ESRRB: variants seen among roughly 807,000 people sequenced by gnomAD.
ESRRB encodes steroid hormone receptor ERR2.
ESRRB carries 16 observed loss-of-function variants against 46.0 expected under a neutral mutation model. That is an observed-to-expected ratio of 0.35 (90% CI 0.24 to 0.53). The LOEUF (loss-of-function observed/expected upper bound fraction) is 0.53, where lower values mean the gene tolerates loss of function less well. Among genes scored for constraint, ESRRB ranks in the 20% least tolerant of loss-of-function variants. The probability of loss-of-function intolerance (pLI) is 0.93; values close to 1 mark genes in which losing one functional copy is unlikely to be tolerated. For missense variants in ESRRB, 488 were observed against 607.4 expected, an observed-to-expected ratio of 0.80 and a Z score of 2.07; for synonymous variants, 246 against 259.6, an observed-to-expected ratio of 0.95 and a Z score of 0.50.
chr14:76,427,852 T>C (rs1887269591), intron 1 of ESRRB, among the ~76,000 whole-genome samples: 2 of 152,056 alleles, frequency 1.3e-5, no homozygotes, highest in African/African-American at 2.4e-5. Flanking sequence ...CATCTAGAGG[T>C]TAAATAACCC....
chr14:76,458,987 GGT>G (rs1888739366), intron 2 of ESRRB, among the ~76,000 whole-genome samples: 1 of 151,994 alleles, frequency 6.6e-6, no homozygotes, highest in African/African-American at 2.4e-5. Context: ...TGGGACTACA[GGT>G]GTGCACCACC....
At chr14:76,387,080 CT>C (rs957258301) in intron 1 of ESRRB, among the ~76,000 whole-genome samples, 1 of 152,152 alleles carries the variant, frequency 6.6e-6, no homozygotes, top group African/African-American at 2.4e-5. Context: ...GAGGCTGACC[CT>C]TGTGAGGGTC....
rs373526001 is a variant in ESRRB at position 76,498,902 on chromosome 14, G to A, written c.*444G>A. ...GATACCACCTGGAGGTTTTCCTTCCGCAGAGGGCAGGTACGCAAGGGACAA... is the reference window on the plus strand; with the variant it reads ...GATACCACCTGGAGGTTTTCCTTCCACAGAGGGCAGGTACGCAAGGGACAA... On this transcript the variant is annotated 3_prime_UTR_variant, in exon 7 of 7. Coordinates refer to ENST00000644823, the MANE Select transcript of ESRRB (RefSeq NM_001379180.1). 17 of 531,830 alleles carry A rather than the reference G, an allele frequency of 3.2e-5. No individual in the cohort carries two copies. In the East Asian group the frequency reaches 3.3e-4, roughly 10 times the overall value. 32.9% of individuals were successfully genotyped at this position (531,830 alleles called of 1,614,324 possible). A position where few individuals can be genotyped will look rare whatever the true frequency, so the allele number is the denominator to read the frequency against.
At chr14:76,415,639 G>A (rs182134430) in intron 1 of ESRRB, among the ~76,000 whole-genome samples, 15 of 152,274 alleles carry the variant, frequency 9.9e-5, no homozygotes, top group Admixed American at 7.2e-4. Context: ...CAGACTGGGC[G>A]AAAGAGTGAG....
intron 1 of ESRRB, among the ~76,000 whole-genome samples, chr14:76,324,350 C>T (rs923052698): frequency 6.6e-6 from 1 of 152,154 alleles, no homozygotes; most frequent in African/African-American, 2.4e-5. Flanking sequence ...CCCATGAGGG[C>T]TCCTGTGGGT....
chr14:76,386,047 A>G (rs1162035315), intron 1 of ESRRB, among the ~76,000 whole-genome samples: 1 of 152,308 alleles, frequency 6.6e-6, no homozygotes, highest in African/African-American at 2.4e-5. Flanking sequence ...CTTTGACATA[A>G]TCTCACAATT....
chr14:76,479,432 T>C (rs142504935), intron 3 of ESRRB, among the ~76,000 whole-genome samples: 261 of 152,318 alleles, frequency 1.7e-3, no homozygotes, highest in African/African-American at 6.0e-3. Flanking sequence ...CCTTGGAAAC[T>C]GCTCGCATGC....
chr14:76,314,873 T>C (rs1297403339), intron 1 of ESRRB, among the ~76,000 whole-genome samples: 1 of 151,964 alleles, frequency 6.6e-6, no homozygotes, highest in Non-Finnish European at 1.5e-5. Flanking sequence ...TGGAGAGAGA[T>C]TTCCTTCTTC....
chr14:76,310,830 C>G (rs1883720375), exon 1 of ESRRB: 3 of 454,988 alleles, frequency 6.6e-6, no homozygotes, highest in South Asian at 1.6e-5. Flanking sequence ...AGGAGCGGAG[C>G]AACGAGTTAT....
At chr14:76,428,348 A>T (rs559365026) in intron 1 of ESRRB, among the ~76,000 whole-genome samples, 1 of 152,060 alleles carries the variant, frequency 6.6e-6, no homozygotes, top group East Asian at 1.9e-4. Flanking sequence ...AGTGAAAATA[A>T]AAACAGATTT....
intron 2 of ESRRB, among the ~76,000 whole-genome samples, chr14:76,441,070 C>CTTGCTATG (rs904493292): frequency 6.6e-6 from 1 of 152,138 alleles, no homozygotes; most frequent in African/African-American, 2.4e-5. Flanking sequence ...AGATAAGGGT[C>CTTGCTATG]TTGCTATGTT....
intron 1 of ESRRB, among the ~76,000 whole-genome samples, chr14:76,321,211 T>C (rs1185045548): frequency 6.6e-6 from 1 of 152,222 alleles, no homozygotes; most frequent in Non-Finnish European, 1.5e-5. Flanking sequence ...ATGTATGAAG[T>C]GATTCCTTTA....
chr14:76,325,086 T>A (rs775900895), intron 1 of ESRRB, among the ~76,000 whole-genome samples: 1 of 146,894 alleles, frequency 6.8e-6, no homozygotes, highest in Non-Finnish European at 1.5e-5. Flanking sequence ...TGCCTCAGCC[T>A]CCCGAGTAGC....
At position 76,358,391 on chromosome 14, in the gene ESRRB, GAAAGAAAGAAAGAAAGAAAGAAAA is replaced by G. The variant is rs1566859688; in HGVS notation, c.2+47476_2+47499del. On this transcript the variant is annotated intron_variant, in intron 1 of 6. Coordinates refer to the ESRRB transcript ENST00000512784. ...AGAAAGAAAGAAAGAAAGAAAGAAA[GAAAGAAAGAAAGAAAGAAAGAAAA>G]GAAAAGAAAAAGAAAAAAATGGCAA... is the stretch of plus-strand genomic sequence containing the variant. 5.3e-4 allele frequency among the ~76,000 whole-genome samples: 33 copies of G among 61,772 alleles called. 2 individuals carry two copies. The highest frequency in any genetic ancestry group is 1.7e-3 in the African/African-American group (31 of 18,550). The allele number at this position is 61,772 out of a possible 152,430, so 40.5% of individuals were successfully genotyped here. A position where few individuals can be genotyped will look rare whatever the true frequency, so the allele number is the denominator to read the frequency against.
At chr14:76,439,175 GCTCCCGGCTGCGCC>G (rs1887801109) in intron 1 of ESRRB, among the ~76,000 whole-genome samples, 152 bp from the exon 2 acceptor site, 3 of 152,210 alleles carry the variant, frequency 2.0e-5, no homozygotes, top group Admixed American at 2.0e-4. Context: ...CCAGAAACTT[GCTCCCGGCTGCGCC>G]GAGGGGAGAC....
At chr14:76,456,998 A>G (rs1888641937) in intron 2 of ESRRB, among the ~76,000 whole-genome samples, 1 of 152,134 alleles carries the variant, frequency 6.6e-6, no homozygotes, top group South Asian at 2.1e-4. Context: ...CTCTGAGCCC[A>G]CAGGTCCCCG....
In ESRRB at chr14:76,376,221, G is replaced by C. The variant is rs1319350757; in HGVS notation, c.-181G>C. 2.5e-6 allele frequency: 1 copy of C among 401,356 alleles called. No individual in the cohort carries two copies. The highest frequency in any genetic ancestry group is 4.4e-5 in the Admixed American group (1 of 22,620). 24.9% of individuals were successfully genotyped at this position (401,356 alleles called of 1,614,324 possible). A position where few individuals can be genotyped will look rare whatever the true frequency, so the allele number is the denominator to read the frequency against. On this transcript the variant is annotated 5_prime_UTR_variant, in exon 1 of 7. Coordinates refer to ENST00000644823, the MANE Select transcript of ESRRB (RefSeq NM_001379180.1). This position sits in a 1 kb window ranked among gnomAD's most constrained non-coding sequence, Gnocchi z 4.1. ...GAGCGTGCGGATGAGTGGAGAGCTG[G>C]GCTGTGCGCGCACGGCTCTCTGCCT...
At chr14:76,377,192 G>A (rs1884807205) in intron 1 of ESRRB, among the ~76,000 whole-genome samples, 1 of 152,232 alleles carries the variant, frequency 6.6e-6, no homozygotes, top group Non-Finnish European at 1.5e-5. Flanking sequence ...GCGTGGGCGC[G>A]GGCGGCAGCC....
At chr14:76,442,879 A>C (rs1887979814) in intron 2 of ESRRB, among the ~76,000 whole-genome samples, 1 of 140,650 alleles carries the variant, frequency 7.1e-6, no homozygotes, top group Non-Finnish European at 1.5e-5. Context: ...CAGTGGCATG[A>C]TCTTGGCTCA....
Sources: gnomAD v4.1 joint callset for allele counts (sites outside exome capture counted in the v4.1 genomes callset) on GRCh38, gnomAD v4.1.1 for gene constraint, Gnocchi (gnomAD v3.1) non-coding constraint, MANE v1.5 for transcripts, NCBI Gene and HGNC (gene_info 2026-07-23, HGNC 2026-07-21) for gene names.